The following GRID2 variants were observed in gnomAD, a reference collection of about 807,000 sequenced individuals.
GRID2 encodes the protein glutamate ionotropic receptor delta type subunit 2.
GRID2 carries 33 observed loss-of-function variants against 114.8 expected under a neutral mutation model. That is an observed-to-expected ratio of 0.29 (90% CI 0.22 to 0.38). The LOEUF (loss-of-function observed/expected upper bound fraction) is 0.38, where lower values mean the gene tolerates loss of function less well. GRID2 is among the 10% of genes least tolerant of loss of function. The probability of loss-of-function intolerance (pLI) is 1.00; values close to 1 mark genes in which losing one functional copy is unlikely to be tolerated. For synonymous variants in GRID2, 505 were observed against 449.9 expected (o/e 1.12, Z -1.55); for missense variants, 1,184 against 1,257.7 (o/e 0.94, Z 0.89).
At chr4:92,588,404 C>T (rs1053521849) in intron 1 of GRID2, among the ~76,000 whole-genome samples, 2 of 151,890 alleles carry the variant, frequency 1.3e-5, no homozygotes, top group Admixed American at 6.6e-5. Flanking sequence ...TGGCCAGGCG[C>T]GGTGGCTCAC....
At chr4:93,323,483 T>C (rs555979229) in intron 8 of GRID2, among the ~76,000 whole-genome samples, 1 of 152,320 alleles carries the variant, frequency 6.6e-6, no homozygotes, top group East Asian at 1.9e-4. Flanking sequence ...GGTAGTGTGA[T>C]GCCTCCAGCT....
chr4:92,785,204 A>C (rs1247516419), intron 2 of GRID2, among the ~76,000 whole-genome samples: 1 of 151,310 alleles, frequency 6.6e-6, no homozygotes, highest in South Asian at 2.1e-4. Flanking sequence ...AGATTGTTTT[A>C]AATTTGTAGA....
intron 1 of GRID2, among the ~76,000 whole-genome samples, chr4:92,522,492 A>T (rs958893170): frequency 7.2e-5 from 11 of 152,124 alleles, no homozygotes; most frequent in African/African-American, 2.4e-4. Flanking sequence ...CTGTCATTCC[A>T]GCTGCTGAGA....
chr4:93,692,794 G>A (rs1420895908), intron 14 of GRID2, among the ~76,000 whole-genome samples: 3 of 152,106 alleles, frequency 2.0e-5, no homozygotes, highest in Non-Finnish European at 4.4e-5. Flanking sequence ...TTGACTGAAG[G>A]AATGAACATG....
intron 1 of GRID2, among the ~76,000 whole-genome samples, chr4:92,358,681 A>G (rs1728463235): frequency 6.6e-6 from 1 of 151,960 alleles, no homozygotes; most frequent in Admixed American, 6.6e-5. Context: ...AGATTTCATT[A>G]GTCTACTACT....
chr4:93,276,559 A>T (rs923062220), intron 8 of GRID2, among the ~76,000 whole-genome samples: 1 of 152,016 alleles, frequency 6.6e-6, no homozygotes, highest in African/African-American at 2.4e-5. Context: ...CTTCCAATAC[A>T]TGAGCATGTC....
At chr4:92,994,650 T>C (rs1755093472) in intron 2 of GRID2, among the ~76,000 whole-genome samples, 1 of 152,056 alleles carries the variant, frequency 6.6e-6, no homozygotes. Context: ...TCTTATATTT[T>C]ACAAGAAAAG....
intron 8 of GRID2, among the ~76,000 whole-genome samples, chr4:93,337,646 G>A (rs1759223775): frequency 6.6e-6 from 1 of 151,920 alleles, no homozygotes; most frequent in Non-Finnish European, 1.5e-5. Flanking sequence ...AAGCATCCTT[G>A]AAAAGCTGGT....
At chr4:93,499,466 A>G (rs1180549147) in intron 12 of GRID2, among the ~76,000 whole-genome samples, 1 of 151,862 alleles carries the variant, frequency 6.6e-6, no homozygotes, top group Non-Finnish European at 1.5e-5. Context: ...GTCCAGGGGC[A>G]CCAACAAATT....
chr4:92,568,559 A>T lies in GRID2; in HGVS notation c.89-21572A>T, dbSNP rs570437223. Among the ~76,000 whole-genome samples the T allele has an allele frequency of 3.3e-5, 5 of 152,128 alleles. No homozygotes were observed. In the South Asian group the frequency reaches 1.0e-3, roughly 32 times the overall value. ...AGAACTTGAAGTGCAAAATTTCATT[A>T]AAAAATATGTATTTTTTCAGTTTTA... On this transcript the variant is annotated intron_variant, in intron 1 of 15. Transcript: ENST00000282020.
chr4:93,250,637 TAC>T (rs1349526665), intron 8 of GRID2, among the ~76,000 whole-genome samples: 1 of 67,012 alleles, frequency 1.5e-5, no homozygotes, highest in Non-Finnish European at 2.6e-5. Context: ...CTGAAATCAT[TAC>T]ATATATATAT....
intron 2 of GRID2, among the ~76,000 whole-genome samples, chr4:93,019,529 A>G (rs1294245489): frequency 6.6e-6 from 1 of 152,164 alleles, no homozygotes; most frequent in Non-Finnish European, 1.5e-5. Flanking sequence ...GGTTATTAAC[A>G]TATCTTCCAT....
intron 1 of GRID2, among the ~76,000 whole-genome samples, chr4:92,574,381 T>C (rs1727781287): frequency 6.6e-6 from 1 of 151,982 alleles, no homozygotes; most frequent in Non-Finnish European, 1.5e-5. Context: ...TTTATGTGAT[T>C]GCTATATAGT....
At chr4:93,024,853 T>G (rs910357604) in intron 2 of GRID2, among the ~76,000 whole-genome samples, 1 of 151,682 alleles carries the variant, frequency 6.6e-6, no homozygotes, top group African/African-American at 2.4e-5. Context: ...TCTTTGTCAG[T>G]GGAGATTAAA....
chr4:92,454,905 GT>G (rs370212116), intron 1 of GRID2, among the ~76,000 whole-genome samples: 49 of 152,268 alleles, frequency 3.2e-4, no homozygotes, highest in African/African-American at 1.1e-3. Flanking sequence ...CACATATTAT[GT>G]TGTCCCAAAA....
chr4:92,632,948 A>T (rs1201555133), intron 2 of GRID2, among the ~76,000 whole-genome samples: 1 of 152,152 alleles, frequency 6.6e-6, no homozygotes, highest in African/African-American at 2.4e-5. Context: ...AAAATCATTT[A>T]CTGCCAAGAT....
At chr4:92,901,642 C>T (rs1276632910) in intron 2 of GRID2, among the ~76,000 whole-genome samples, 2 of 151,966 alleles carry the variant, frequency 1.3e-5, no homozygotes, top group Non-Finnish European at 2.9e-5. Flanking sequence ...TTTTTAATTA[C>T]GTTTATGCAG....
intron 2 of GRID2, among the ~76,000 whole-genome samples, chr4:92,814,344 A>T (rs191186033): frequency 6.6e-6 from 1 of 152,202 alleles, no homozygotes; most frequent in East Asian, 1.9e-4. Flanking sequence ...ACTAAAGAGG[A>T]GTCTAAAGAA....
chr4:93,104,427 A>G (rs1357079912), intron 3 of GRID2, among the ~76,000 whole-genome samples: 1 of 152,024 alleles, frequency 6.6e-6, no homozygotes, highest in Non-Finnish European at 1.5e-5. Context: ...ATTTAGCATT[A>G]GGTATATCTC....
Sources: gnomAD v4.1 joint callset for allele counts (sites outside exome capture counted in the v4.1 genomes callset) on GRCh38, gnomAD v4.1.1 for gene constraint, MANE v1.5 for transcripts, NCBI Gene and HGNC (gene_info 2026-07-23, HGNC 2026-07-21) for gene names.